PAPSS1: variants seen among roughly 807,000 people sequenced by gnomAD.
PAPSS1 encodes bifunctional 3'-phosphoadenosine 5'-phosphosulfate synthase 1.
Under a neutral mutation model 72.0 loss-of-function variants are expected in PAPSS1, and 50 were observed. That is an observed-to-expected ratio of 0.69 (90% CI 0.55 to 0.88). The LOEUF is 0.88. PAPSS1 is among the 40% of genes least tolerant of loss of function. The pLI, the probability that PAPSS1 is intolerant of heterozygous loss-of-function variation, is 0.00. For synonymous variants in PAPSS1, 261 were observed against 263.6 expected (o/e 0.99, Z 0.09); for missense variants, 657 against 782.2 (o/e 0.84, Z 1.91).
chr4:107,687,662 C>T (rs1722821735), intron 3 of PAPSS1, among the ~76,000 whole-genome samples: 3 of 152,304 alleles, frequency 2.0e-5, no homozygotes, highest in Admixed American at 1.3e-4. Context: ...AACTTTTCTG[C>T]TCCTAACTCC....
chr4:107,645,199 A>C (rs1726660104), intron 9 of PAPSS1, 129 bp from the exon 10 acceptor site: 5 of 548,486 alleles, frequency 9.1e-6, no homozygotes, highest in Non-Finnish European at 1.1e-5. Context: ...GAAATCAGAA[A>C]ACTGGTAAAA....
At position 107,614,140 on chromosome 4, in the gene PAPSS1, T is replaced by C. The variant is rs1560559690; in HGVS notation, c.*109A>G. On this transcript the variant is annotated 3_prime_UTR_variant, in exon 12 of 12. Transcript: ENST00000265174. ...ATGCAAGTTAAGGAAAATGGTCTGT[T>C]TTTAGGAAGCATGTCCAGACAGACA... The C allele has an allele frequency of 8.4e-7, 1 of 1,193,164 alleles. No homozygotes were observed. The highest frequency in any genetic ancestry group is 1.2e-6 in the Non-Finnish European group (1 of 849,778). 73.9% of individuals were successfully genotyped at this position (1,193,164 alleles called of 1,614,324 possible).
intron 6 of PAPSS1, 75 bp downstream of exon 6, chr4:107,659,884 C>T: frequency 3.8e-6 from 3 of 790,702 alleles, no homozygotes; most frequent in East Asian, 2.9e-5. Context: ...TCAAATACTG[C>T]TATAAGTCAC....
chr4:107,698,909 G>T (rs1723139372), intron 2 of PAPSS1, among the ~76,000 whole-genome samples: 1 of 151,896 alleles, frequency 6.6e-6, no homozygotes, highest in Non-Finnish European at 1.5e-5. Flanking sequence ...AGCCTAACCT[G>T]CTGAGGTTTT....
At chr4:107,658,571 T>G (rs1297098445) in intron 6 of PAPSS1, among the ~76,000 whole-genome samples, 1 of 152,186 alleles carries the variant, frequency 6.6e-6, no homozygotes, top group East Asian at 1.9e-4. Context: ...CATACAGCAG[T>G]GGCTCTCCAA....
chr4:107,674,649 C>A (rs1317930291), intron 5 of PAPSS1, among the ~76,000 whole-genome samples: 4 of 151,382 alleles, frequency 2.6e-5, no homozygotes, highest in African/African-American at 9.7e-5. Context: ...AAAAGGATAT[C>A]CAGGAATTGA....
chr4:107,696,772 G>C (rs1723075915), intron 2 of PAPSS1, among the ~76,000 whole-genome samples: 1 of 152,028 alleles, frequency 6.6e-6, no homozygotes, highest in Non-Finnish European at 1.5e-5. Flanking sequence ...AGGATATGTT[G>C]AGAGCATCGA....
intron 10 of PAPSS1, among the ~76,000 whole-genome samples, chr4:107,637,376 AAAAC>A (rs1430870137): frequency 6.6e-6 from 1 of 152,220 alleles, no homozygotes; most frequent in Non-Finnish European, 1.5e-5. Context: ...TTCTAAAACA[AAAAC>A]AAATTAAAAA....
chr4:107,631,338 G>A (rs2110302161), intron 11 of PAPSS1, among the ~76,000 whole-genome samples: 1 of 152,282 alleles, frequency 6.6e-6, no homozygotes, highest in East Asian at 1.9e-4. Flanking sequence ...ACATCACTAA[G>A]TCCTCAAACT....
At chr4:107,675,831 C>A (rs1367786140) in intron 5 of PAPSS1, among the ~76,000 whole-genome samples, 2 of 152,152 alleles carry the variant, frequency 1.3e-5, no homozygotes, top group African/African-American at 4.8e-5. Context: ...AAAAGCTTAT[C>A]CACCATGATC....
At chr4:107,685,143 T>G (rs1053231515) in intron 4 of PAPSS1, among the ~76,000 whole-genome samples, 1 of 152,166 alleles carries the variant, frequency 6.6e-6, no homozygotes, top group Non-Finnish European at 1.5e-5. Context: ...TTCAAATATT[T>G]TACAAGAGTT....
Position 107,720,104 on chromosome 4 carries a change from T to G in PAPSS1, c.60+16A>C, listed in dbSNP as rs545546082. ...CCCCTCCGCTCCTCGCCGTCTCGCC[T>G]TCGTCCCCAGCTTACCCAGTTCTGC... is the stretch of plus-strand genomic sequence containing the variant. On this transcript the variant is annotated intron_variant, in intron 1 of 11. Transcript: ENST00000265174. 133 of 1,599,986 alleles carry G rather than the reference T, an allele frequency of 8.3e-5. 1 individual carries two copies. The South Asian group carries it at 1.4e-3, about 17-fold the overall frequency.
At chr4:107,654,218 A>C (rs1426939847) in intron 8 of PAPSS1, among the ~76,000 whole-genome samples, 4 of 152,164 alleles carry the variant, frequency 2.6e-5, no homozygotes, top group African/African-American at 7.2e-5. Context: ...CACACCTAAC[A>C]ACTGACAGAA....
At chr4:107,620,940 C>T (rs569719453) in intron 11 of PAPSS1, among the ~76,000 whole-genome samples, 1 of 152,310 alleles carries the variant, frequency 6.6e-6, no homozygotes, top group South Asian at 2.1e-4. Context: ...CAGTTATTTC[C>T]TCCTAGACCT....
At chr4:107,635,078 G>C (rs572022558) in intron 10 of PAPSS1, among the ~76,000 whole-genome samples, 1 of 152,086 alleles carries the variant, frequency 6.6e-6, no homozygotes, top group Admixed American at 6.5e-5. Flanking sequence ...GATTACAGGC[G>C]TGAGCCACCG....
intron 2 of PAPSS1, among the ~76,000 whole-genome samples, chr4:107,697,710 T>C (rs1723105244): frequency 6.6e-6 from 1 of 152,162 alleles, no homozygotes; most frequent in South Asian, 2.1e-4. Context: ...AAATCTAAGA[T>C]ATGGATAACT....
At chr4:107,681,664 T>C (rs547736831) in intron 5 of PAPSS1, among the ~76,000 whole-genome samples, 2 of 152,266 alleles carry the variant, frequency 1.3e-5, no homozygotes, top group East Asian at 3.9e-4. Flanking sequence ...GTTAACAACT[T>C]TGTATACCTC....
intron 7 of PAPSS1, among the ~76,000 whole-genome samples, chr4:107,655,873 C>T (rs1187646461): frequency 3.3e-5 from 5 of 152,106 alleles, no homozygotes; most frequent in Non-Finnish European, 4.4e-5. Flanking sequence ...TTATTTAATC[C>T]TTATGTTCTT....
intron 5 of PAPSS1, among the ~76,000 whole-genome samples, chr4:107,677,483 G>C (rs1440479970): frequency 2.0e-5 from 3 of 152,248 alleles, no homozygotes; most frequent in Admixed American, 6.5e-5. Context: ...AAACCACAAT[G>C]AGATACCATC....
Sources: gnomAD v4.1 joint callset for allele counts (sites outside exome capture counted in the v4.1 genomes callset) on GRCh38, gnomAD v4.1.1 for gene constraint, MANE v1.5 for transcripts, NCBI Gene and HGNC (gene_info 2026-07-23, HGNC 2026-07-21) for gene names.